Variants in CALM2 observed in about 807,000 individuals in gnomAD.
CALM2 encodes the protein calmodulin 2.
CALM2 carries 2 observed loss-of-function variants against 19.8 expected under a neutral mutation model. The ratio of observed to expected loss-of-function variants is 0.10; its 90% CI spans 0.04 to 0.32. The LOEUF is 0.32. Among genes scored for constraint, CALM2 ranks in the 10% least tolerant of loss-of-function variants. The pLI, the probability that CALM2 is intolerant of heterozygous loss-of-function variation, is 1.00. For synonymous variants in CALM2, 51 were observed against 52.1 expected, an observed-to-expected ratio of 0.98 and a Z score of 0.09; for missense variants, 38 against 178.7, an observed-to-expected ratio of 0.21 and a Z score of 4.49.
intron 2 of CALM2, among the ~76,000 whole-genome samples, chr2:47,169,132 A>G (rs1177512270): frequency 1.3e-5 from 2 of 152,186 alleles, no homozygotes; most frequent in African/African-American, 4.8e-5. Flanking sequence ...ATGCAATGGC[A>G]CACTGAGTAA....
intron 1 of CALM2, 135 bp downstream of exon 1, chr2:47,176,306 G>A (rs1666865792): frequency 1.9e-6 from 2 of 1,065,248 alleles, no homozygotes; most frequent in Non-Finnish European, 2.7e-6. Flanking sequence ...GGCATCCCTG[G>A]CCTCTTTCGC....
Position 47,160,481 on chromosome 2 carries a change from T to A in CALM2, c.*295A>T, listed in dbSNP as rs1687122311. The A allele has an allele frequency of 3.6e-6, 1 of 278,042 alleles. No individual in the cohort carries two copies. The allele number at this position is 278,042 out of a possible 1,614,324, so 17.2% of individuals were successfully genotyped here. A position where few individuals can be genotyped will look rare whatever the true frequency, so the allele number is the denominator to read the frequency against. On this transcript the variant is annotated 3_prime_UTR_variant, in exon 6 of 6. Coordinates refer to ENST00000272298, the MANE Select transcript of CALM2 (RefSeq NM_001743.6). ...AAAGAAAACTACTTTAAAAAAGGCA[T>A]AACCCAGATGTTCCCTCATTTGACC...
At chr2:47,172,907 C>G (rs1400698903) in intron 1 of CALM2, 1 of 151,598 alleles carries the variant, frequency 6.6e-6, no homozygotes, top group Non-Finnish European at 1.5e-5. Context: ...AATTTAGGAA[C>G]CACTGTCCAA....
At chr2:47,167,149 CTT>C (rs1440061539) in intron 2 of CALM2, among the ~76,000 whole-genome samples, 3 of 152,250 alleles carry the variant, frequency 2.0e-5, no homozygotes, top group South Asian at 4.1e-4. Context: ...TACTGGAACT[CTT>C]TTGGCGCTTC....
At chr2:47,173,021 G>T (rs1259520698) in intron 1 of CALM2, 2 of 152,110 alleles carry the variant, frequency 1.3e-5, no homozygotes, top group African/African-American at 4.8e-5. Flanking sequence ...TGAGCTTCAA[G>T]GAATGAATTA....
intron 1 of CALM2, among the ~76,000 whole-genome samples, chr2:47,175,620 A>G (rs1032867486): frequency 6.6e-6 from 1 of 152,064 alleles, no homozygotes; most frequent in Admixed American, 6.5e-5. Flanking sequence ...AAGACGCCCC[A>G]GGGCCCAGAT....
chr2:47,175,922 G>C (rs1372136966), intron 1 of CALM2, among the ~76,000 whole-genome samples: 1 of 150,606 alleles, frequency 6.6e-6, no homozygotes, highest in Non-Finnish European at 1.5e-5. Flanking sequence ...CGGAGGACGC[G>C]GGCTAACTGC....
At chr2:47,170,903 T>C in intron 1 of CALM2, 139 bp from the exon 2 acceptor site, 1 of 724,722 alleles carries the variant, frequency 1.4e-6, no homozygotes, top group Non-Finnish European at 2.6e-6. Flanking sequence ...GGATAGAAAA[T>C]GCACACATCT....
chr2:47,165,124 C>T (rs1387091520), intron 2 of CALM2, among the ~76,000 whole-genome samples: 1 of 152,232 alleles, frequency 6.6e-6, no homozygotes, highest in African/African-American at 2.4e-5. Context: ...CCAGCTCCAA[C>T]TCATCACCTG....
intron 1 of CALM2, chr2:47,172,154 T>G: frequency 5.2e-6 from 1 of 191,066 alleles, no homozygotes; most frequent in Non-Finnish European, 1.1e-5. Flanking sequence ...ACCCAAGGAA[T>G]AAGGTTTAAA....
chr2:47,169,728 C>CA (rs1161187863), intron 2 of CALM2, among the ~76,000 whole-genome samples: 7 of 152,184 alleles, frequency 4.6e-5, no homozygotes, highest in African/African-American at 1.7e-4. Context: ...TGGTATCCCC[C>CA]AAACTTCTAT....
intron 1 of CALM2, chr2:47,172,349 A>G (rs1666698125): frequency 2.1e-6 from 1 of 466,712 alleles, no homozygotes; most frequent in Admixed American, 2.5e-5. Flanking sequence ...TAGCTGTGTG[A>G]CCTTGGACGT....
intron 1 of CALM2, chr2:47,173,651 G>C (rs1174386355): frequency 6.6e-6 from 1 of 152,182 alleles, no homozygotes; most frequent in Non-Finnish European, 1.5e-5. Flanking sequence ...GTGAAAGGTG[G>C]TGTTCTTATC....
chr2:47,169,563 A>AATAC (rs1666602256), intron 2 of CALM2, among the ~76,000 whole-genome samples: 1 of 152,252 alleles, frequency 6.6e-6, no homozygotes, highest in African/African-American at 2.4e-5. Flanking sequence ...CATAACAGTC[A>AATAC]ATACATGTAA....
chr2:47,172,731 C>G (rs962364873), intron 1 of CALM2: 2 of 224,484 alleles, frequency 8.9e-6, no homozygotes, highest in South Asian at 9.8e-5. Context: ...GTGGCAGACA[C>G]TGCAGCCTGT....
At chr2:47,165,310 T>C (rs1301534525) in intron 2 of CALM2, among the ~76,000 whole-genome samples, 1 of 152,202 alleles carries the variant, frequency 6.6e-6, no homozygotes, top group East Asian at 1.9e-4. Flanking sequence ...CTACTAAACC[T>C]TTTCTGCCTC....
At chr2:47,171,008 A>G (rs1214351261) in intron 1 of CALM2, 20 of 448,526 alleles carry the variant, frequency 4.5e-5, no homozygotes, top group Non-Finnish European at 6.0e-5. Context: ...TTAGAATCCA[A>G]TAGAAACATT....
rs796387901 is a variant in CALM2, at chr2:47,168,737, C to T, written c.34+1997G>A. Among the ~76,000 whole-genome samples the T allele has an allele frequency of 7.9e-5, 12 of 151,962 alleles. 1 individual carries two copies. The highest frequency in any genetic ancestry group is 2.4e-4 in the African/African-American group (10 of 41,466). The stretch of plus-strand genomic sequence containing the variant: ...CAAAATAAATTAAAAAATAAAAATG[C>T]TATCAATCACTGAAGAGGGATCCTC... On this transcript the variant is annotated intron_variant, in intron 2 of 5. Transcript: ENST00000272298.
chr2:47,176,430 G>T lies in CALM2; in HGVS notation c.3+11C>A. 6.2e-7 allele frequency: 1 copy of T among 1,613,150 alleles called. No homozygotes were observed. Among genetic ancestry groups the T allele is most frequent in the Non-Finnish European group, 8.5e-7 (1 of 1,179,916 alleles). On this transcript the variant is annotated intron_variant, in intron 1 of 5. Transcript: ENST00000272298. ...ACAGGCCCAGCGCCGGCAGCTCAGC[G>T]ATGCACTCACCATGCTGCAAGCGCT...
Sources: allele counts gnomAD v4.1 joint callset (sites outside exome capture counted in the v4.1 genomes callset), GRCh38; gene constraint gnomAD v4.1.1; transcripts MANE v1.5; gene names NCBI Gene and HGNC (gene_info 2026-07-23, HGNC 2026-07-21).